PACSIN2: variants seen among roughly 807,000 people sequenced by gnomAD.
PACSIN2 encodes protein kinase C and casein kinase substrate in neurons protein 2.
PACSIN2 carries 25 observed loss-of-function variants against 63.8 expected under a neutral mutation model. That is an observed-to-expected ratio of 0.39 (90% CI 0.29 to 0.55). PACSIN2 has a LOEUF of 0.55. Ranked by LOEUF, PACSIN2 falls within the 20% of genes least tolerant of loss-of-function variation. PACSIN2 has a pLI of 0.62. For synonymous variants in PACSIN2, 255 were observed against 256.2 expected (o/e 1.00, Z 0.05); for missense variants, 518 against 646.9 (o/e 0.80, Z 2.16).
intron 1 of PACSIN2, among the ~76,000 whole-genome samples, chr22:42,984,111 T>C (rs1199963734): frequency 1.3e-5 from 2 of 151,794 alleles, no homozygotes; most frequent in African/African-American, 4.8e-5. Context: ...GCTGGGATCA[T>C]AGGTGTGCAC....
At chr22:42,950,514 G>A (rs917408433) in intron 1 of PACSIN2, among the ~76,000 whole-genome samples, 6 of 120,388 alleles carry the variant, frequency 5.0e-5, no homozygotes, top group South Asian at 2.9e-4. Flanking sequence ...GTGGACTGAC[G>A]ATTCACGCTG....
intron 1 of PACSIN2, among the ~76,000 whole-genome samples, chr22:43,008,988 A>G (rs1295542390): frequency 7.1e-6 from 1 of 141,054 alleles, no homozygotes; most frequent in East Asian, 2.2e-4. Flanking sequence ...ACAAAAACAA[A>G]TAAGTAGCCT....
intron 10 of PACSIN2, among the ~76,000 whole-genome samples, chr22:42,875,142 G>A (rs1191375097): frequency 7.0e-6 from 1 of 142,204 alleles, no homozygotes; most frequent in Non-Finnish European, 1.5e-5. Context: ...GAGCCACCAT[G>A]CCCAGCCTAC....
At chr22:42,889,301 C>T (rs1391660288) in intron 4 of PACSIN2, among the ~76,000 whole-genome samples, 1 of 151,384 alleles carries the variant, frequency 6.6e-6, no homozygotes, top group African/African-American at 2.4e-5. Context: ...CAAGGAGGAA[C>T]CCAGCATGAG....
Position 42,870,142 on chromosome 22 carries a change from T to A in PACSIN2, c.*1215A>T, listed in dbSNP as rs1038464079. The A allele has an allele frequency of 1.3e-5, 2 of 151,860 alleles. No individual in the cohort carries two copies. Among genetic ancestry groups the A allele is most frequent in the Non-Finnish European group, 2.9e-5 (2 of 67,992 alleles). 9.4% of individuals were successfully genotyped at this position (151,860 alleles called of 1,614,324 possible). A position where few individuals can be genotyped will look rare whatever the true frequency, so the allele number is the denominator to read the frequency against. ...ACTCGTGCTGCGGGTAAGACCCAGC[T>A]TCTGTTTGTGCACAAGTAACACGAC... On this transcript the variant is annotated 3_prime_UTR_variant, in exon 11 of 11. Transcript: ENST00000263246.
chr22:42,894,577 T>G (rs4822220), intron 2 of PACSIN2, among the ~76,000 whole-genome samples: 1 of 152,032 alleles, frequency 6.6e-6, no homozygotes, highest in African/African-American at 2.4e-5. Flanking sequence ...AGTAGGACTG[T>G]CTTGATGGCA....
Position 42,876,153 on chromosome 22 carries a change from CTCA to C in PACSIN2, c.1329_1331del (p.Asp443del). Reference sequence around the variant, plus strand: ...CCCACCTACCAGCCTTGAAGCTCAGCTCATCATGCTCCTGCCCCTCATAGTCAT... The same window carrying C: ...CCCACCTACCAGCCTTGAAGCTCAGCTCATGCTCCTGCCCCTCATAGTCAT... On this transcript the variant is annotated inframe_deletion, in exon 10 of 11. Transcript: ENST00000263246. 6.2e-7 allele frequency: 1 copy of C among 1,612,868 alleles called. No homozygotes were observed. Among genetic ancestry groups the C allele is most frequent in the Non-Finnish European group, 8.5e-7 (1 of 1,178,860 alleles).
chr22:42,920,900 T>G (rs1333438715), intron 1 of PACSIN2, among the ~76,000 whole-genome samples: 1 of 143,432 alleles, frequency 7.0e-6, no homozygotes, highest in Non-Finnish European at 1.5e-5. Flanking sequence ...CCTCCTCAGC[T>G]CAAGTGATCC....
intron 1 of PACSIN2, among the ~76,000 whole-genome samples, chr22:42,994,456 C>G (rs1923262588): frequency 6.6e-6 from 1 of 152,262 alleles, no homozygotes; most frequent in African/African-American, 2.4e-5. Context: ...GACACCCCAG[C>G]CTGCACACCC....
chr22:42,927,361 C>G (rs1302868326), intron 1 of PACSIN2, among the ~76,000 whole-genome samples: 1 of 151,982 alleles, frequency 6.6e-6, no homozygotes, highest in African/African-American at 2.4e-5. Context: ...TTTCATGTCT[C>G]AGCTTCCCGA....
chr22:42,946,696 G>A (rs772248093), intron 1 of PACSIN2, among the ~76,000 whole-genome samples: 6 of 152,240 alleles, frequency 3.9e-5, no homozygotes, highest in Non-Finnish European at 4.4e-5. Context: ...ACAGGCATGC[G>A]CACACACATG....
At chr22:42,991,178 T>C (rs2146903487) in intron 1 of PACSIN2, among the ~76,000 whole-genome samples, 1 of 152,216 alleles carries the variant, frequency 6.6e-6, no homozygotes, top group East Asian at 1.9e-4. Flanking sequence ...TGTACAATGG[T>C]ATAGACTTGG....
chr22:42,960,129 AC>A (rs1447706463), intron 1 of PACSIN2, among the ~76,000 whole-genome samples: 1 of 152,128 alleles, frequency 6.6e-6, no homozygotes, highest in Non-Finnish European at 1.5e-5. Context: ...TCCCCAACAC[AC>A]AAAAAATCAA....
At chr22:42,977,174 AAGAAAT>A (rs71703174) in intron 1 of PACSIN2, among the ~76,000 whole-genome samples, 3,878 of 152,292 alleles carry the variant, frequency 0.025, 62 homozygotes, top group Non-Finnish European at 0.031. Flanking sequence ...CATTTTTACA[AAGAAAT>A]AGAAATAGAA....
intron 1 of PACSIN2, among the ~76,000 whole-genome samples, chr22:42,961,333 G>C (rs989172433): frequency 5.9e-5 from 9 of 151,998 alleles, no homozygotes; most frequent in Non-Finnish European, 1.2e-4. Context: ...AGGGTCCTCT[G>C]CCTAGGAAAA....
chr22:43,014,521 G>GCCTTCCCT (rs1166445977), intron 1 of PACSIN2, among the ~76,000 whole-genome samples: 1 of 151,680 alleles, frequency 6.6e-6, no homozygotes, highest in Non-Finnish European at 1.5e-5. Context: ...TCCCAGCCAC[G>GCCTTCCCT]CCTTCCCTCC....
chr22:43,013,867 G>A (rs1214004000), intron 1 of PACSIN2, among the ~76,000 whole-genome samples: 1 of 152,080 alleles, frequency 6.6e-6, no homozygotes, highest in African/African-American at 2.4e-5. Flanking sequence ...CAAAAACACC[G>A]GACAGGCGGA....
chr22:42,951,220 G>A (rs957840082), intron 1 of PACSIN2, among the ~76,000 whole-genome samples: 4 of 152,030 alleles, frequency 2.6e-5, no homozygotes, highest in African/African-American at 9.7e-5. Context: ...AGGAATCCAC[G>A]AGCCTTATCT....
At chr22:42,934,396 T>G (rs1601542750) in intron 1 of PACSIN2, among the ~76,000 whole-genome samples, 1 of 152,354 alleles carries the variant, frequency 6.6e-6, no homozygotes, top group Non-Finnish European at 1.5e-5. Flanking sequence ...TTGGCTTCTG[T>G]GTACTCCCCC....
Sources: gnomAD v4.1 joint callset for allele counts (sites outside exome capture counted in the v4.1 genomes callset) on GRCh38, gnomAD v4.1.1 for gene constraint, MANE v1.5 for transcripts, NCBI Gene and HGNC (gene_info 2026-07-23, HGNC 2026-07-21) for gene names.